SUZ12: variants seen among roughly 807,000 people sequenced by gnomAD.
The protein encoded by SUZ12 is SUZ12 polycomb repressive complex 2 subunit.
In SUZ12, 17 loss-of-function variants were observed where a neutral mutation model predicts 87.3. That is an observed-to-expected ratio of 0.19 (90% CI 0.13 to 0.29). The LOEUF is 0.29. Among genes scored for constraint, SUZ12 ranks in the 10% least tolerant of loss-of-function variants. The probability of loss-of-function intolerance (pLI) is 1.00; values close to 1 mark genes in which losing one functional copy is unlikely to be tolerated. For synonymous variants in SUZ12, 253 were observed against 312.4 expected (o/e 0.81, Z 2.01); for missense variants, 526 against 912.2 (o/e 0.58, Z 5.45).
rs200810899 is a variant in SUZ12, at chr17:31,993,344, C to A, written c.1293+11C>A. 1.6e-3 allele frequency: 2,301 copies of A among 1,476,900 alleles called. 4 individuals carry two copies. Among genetic ancestry groups the A allele is most frequent in the Middle Eastern group, 3.7e-3 (21 of 5,736 alleles). 91.5% of individuals were successfully genotyped at this position (1,476,900 alleles called of 1,614,324 possible). On this transcript the variant is annotated intron_variant, in intron 11 of 15. Transcript: ENST00000322652. ...AGAATATTTTATCAGGTAAACATAG[C>A]TGACCCTTCTTAAAGTAATTATGAA...
At chr17:31,972,735 C>G (rs2470244) in intron 5 of SUZ12, among the ~76,000 whole-genome samples, 15,516 of 146,546 alleles carry the variant, frequency 0.11, 995 homozygotes, top group South Asian at 0.16. Context: ...TTTATACTTA[C>G]AACCTGGGCA....
chr17:31,986,697 G>A (rs765184959), intron 9 of SUZ12, among the ~76,000 whole-genome samples: 2 of 151,970 alleles, frequency 1.3e-5, no homozygotes, highest in African/African-American at 2.4e-5. Context: ...GATTACAGGC[G>A]CCAGCCACCA....
At chr17:31,989,212 C>T (rs936526816) in intron 10 of SUZ12, among the ~76,000 whole-genome samples, 5 of 151,940 alleles carry the variant, frequency 3.3e-5, no homozygotes, top group Non-Finnish European at 7.4e-5. Context: ...TGAGAGCCAC[C>T]TCTGCTGGCC....
chr17:31,988,591 AT>A (rs1909534886), intron 10 of SUZ12, 94 bp downstream of exon 10: 2 of 1,209,780 alleles, frequency 1.7e-6, no homozygotes, highest in African/African-American at 3.2e-5. Flanking sequence ...GCTTTATGTG[AT>A]TCTTCTTTTT....
rs769630194 is a variant in SUZ12 at position 31,975,544 on chromosome 17, C to G, written c.654C>G (p.Asp218Glu). 4 of 1,613,758 alleles carry G rather than the reference C, an allele frequency of 2.5e-6. No homozygotes were observed. The highest frequency in any genetic ancestry group is 3.4e-6 in the Non-Finnish European group (4 of 1,179,836). The change falls in exon 7 of 16, where the codon GAC becomes GAG. Residue 218 changes from aspartate to glutamate, a missense_variant. This residue lies in a region of SUZ12 where 73 missense variants were observed against 133.8 expected (regional missense o/e 0.55). Transcript: ENST00000322652. ...TGKKQVPLNP[D>E]LNQTKPGNFP... is the part of the protein sequence containing the mutation. The stretch of plus-strand genomic sequence containing the variant: ...AAAAGCAGGTGCCTTTGAATCCTGA[C>G]CTCAATCAAACAAAACCCGGAAATT...
At chr17:31,983,909 A>G (rs1264720299) in intron 9 of SUZ12, among the ~76,000 whole-genome samples, 5 of 152,216 alleles carry the variant, frequency 3.3e-5, no homozygotes, top group South Asian at 2.1e-4. Flanking sequence ...AGAGGAATCC[A>G]TGCATTTCTT....
At chr17:31,972,278 C>CTT (rs777804594) in intron 5 of SUZ12, among the ~76,000 whole-genome samples, 17 of 151,602 alleles carry the variant, frequency 1.1e-4, no homozygotes, top group Admixed American at 2.0e-4. Flanking sequence ...GAACGAGTCT[C>CTT]TGTCTCGAAA....
intron 4 of SUZ12, among the ~76,000 whole-genome samples, chr17:31,950,785 C>CT (rs935244189): frequency 1.1e-3 from 155 of 146,262 alleles, no homozygotes; most frequent in East Asian, 2.6e-3. Context: ...CATTTATGTT[C>CT]TTTTTTTTTT....
At chr17:31,970,911 G>A (rs1908390890) in intron 5 of SUZ12, among the ~76,000 whole-genome samples, 1 of 152,102 alleles carries the variant, frequency 6.6e-6, no homozygotes, top group African/African-American at 2.4e-5. Context: ...TGTTATTGAA[G>A]CTATTTGATG....
At chr17:31,943,771 G>A (rs1267946941) in intron 3 of SUZ12, among the ~76,000 whole-genome samples, 2 of 152,016 alleles carry the variant, frequency 1.3e-5, no homozygotes, top group Non-Finnish European at 2.9e-5. Flanking sequence ...CGCAATTTCG[G>A]CTCACTGCAG....
chr17:31,976,553 C>G lies in SUZ12; in HGVS notation c.856C>G (p.Arg286Gly). ...VNEELPARRK[R>G]NREDGEKTFV... The stretch of plus-strand genomic sequence containing the variant: ...TGAAGAGCTTCCAGCCAGAAGAAAA[C>G]GAAATCGTGAGGATGGGGAAAAGAC... Residue 286 changes from arginine (R) to glycine (G), a missense_variant, in exon 8 of 16, where the codon CGA (arginine) becomes GGA (glycine). This residue lies in a region of SUZ12 where 73 missense variants were observed against 133.8 expected (regional missense o/e 0.55). Coordinates refer to ENST00000322652, the MANE Select transcript of SUZ12 (RefSeq NM_015355.4). The G allele has an allele frequency of 6.2e-7, 1 of 1,612,558 alleles. No homozygotes were observed. The highest frequency in any genetic ancestry group is 8.5e-7 in the Non-Finnish European group (1 of 1,179,220).
intron 4 of SUZ12, among the ~76,000 whole-genome samples, chr17:31,954,299 G>A (rs1194452186): frequency 2.0e-5 from 3 of 152,144 alleles, no homozygotes; most frequent in Non-Finnish European, 4.4e-5. Flanking sequence ...CTGACCTCGT[G>A]TTCTGCCCAC....
At chr17:31,989,799 C>T (rs540451176) in intron 10 of SUZ12, among the ~76,000 whole-genome samples, 33 of 138,708 alleles carry the variant, frequency 2.4e-4, no homozygotes, top group Admixed American at 8.9e-4. Flanking sequence ...TTAGTAGAGA[C>T]GGGGTTTCAC....
intron 1 of SUZ12, among the ~76,000 whole-genome samples, chr17:31,938,805 GAC>G (rs1456485583): frequency 6.6e-6 from 1 of 152,180 alleles, no homozygotes; most frequent in African/African-American, 2.4e-5. Context: ...TGAATGTTAA[GAC>G]ACATCCTCCA....
At chr17:31,985,225 A>C (rs556294057) in intron 9 of SUZ12, among the ~76,000 whole-genome samples, 2 of 151,714 alleles carry the variant, frequency 1.3e-5, no homozygotes, top group Non-Finnish European at 2.9e-5. Context: ...AATATATATA[A>C]AGTTAAAATT....
chr17:31,976,775 A>C (rs559816964), intron 8 of SUZ12, among the ~76,000 whole-genome samples, 161 bp downstream of exon 8: 1 of 152,222 alleles, frequency 6.6e-6, no homozygotes, highest in African/African-American at 2.4e-5. Flanking sequence ...TGTCTGTTTT[A>C]TAGAAAACAA....
chr17:31,956,343 G>A (rs772410371), intron 4 of SUZ12, among the ~76,000 whole-genome samples: 14 of 151,700 alleles, frequency 9.2e-5, no homozygotes, highest in Non-Finnish European at 1.5e-4. Flanking sequence ...ACAGGCGTGT[G>A]CCACCATGCC....
chr17:31,971,671 C>A (rs927216264), intron 5 of SUZ12, among the ~76,000 whole-genome samples: 1 of 151,958 alleles, frequency 6.6e-6, no homozygotes, highest in Non-Finnish European at 1.5e-5. Context: ...CTCAGGTGAT[C>A]CACCTGCCTC....
rs1909097199 is a variant in SUZ12 at position 31,981,448 on chromosome 17, G to A, written c.918-1551G>A. On this transcript the variant is annotated intron_variant, in intron 8 of 15. Transcript: ENST00000322652. Reference sequence around the variant, plus strand: ...TAAAGCACTTGATCAGGCTGTGGGGGAAAAGTCTCCACATACATTACAGAT... The same window carrying A: ...TAAAGCACTTGATCAGGCTGTGGGGAAAAAGTCTCCACATACATTACAGAT... Among the ~76,000 whole-genome samples the A allele has an allele frequency of 4.6e-5, 7 of 152,148 alleles. No individual in the cohort carries two copies. The South Asian group carries it at 1.5e-3, about 32-fold the overall frequency.
Sources: allele counts gnomAD v4.1 joint callset (sites outside exome capture counted in the v4.1 genomes callset), GRCh38; gene constraint gnomAD v4.1.1; regional missense constraint gnomAD v4.1.1; transcripts MANE v1.5; gene names NCBI Gene and HGNC (gene_info 2026-07-23, HGNC 2026-07-21).